SEC23A: variants seen among roughly 807,000 people sequenced by gnomAD.
SEC23A encodes the protein protein transport protein Sec23A.
Under a neutral mutation model 103.7 loss-of-function variants are expected in SEC23A, and 56 were observed. The ratio of observed to expected loss-of-function variants is 0.54; its 90% CI spans 0.44 to 0.67. The LOEUF (loss-of-function observed/expected upper bound fraction) is 0.67. Ranked by LOEUF, SEC23A falls within the 30% of genes least tolerant of loss-of-function variation. The pLI, the probability that SEC23A is intolerant of heterozygous loss-of-function variation, is 0.00. For missense variants in SEC23A, 784 were observed against 936.4 expected (o/e 0.84, Z 2.12); for synonymous variants, 281 against 293.0 (o/e 0.96, Z 0.42).
In SEC23A at chr14:39,073,758, T is replaced by C. The variant is rs1428144336; in HGVS notation, c.1103+657A>G. ...CCGAGTAGCTGGGATTACAGGTGCC[T>C]GCCACCACGCCCACCTAATTTTTGT... On this transcript the variant is annotated intron_variant, in intron 9 of 19. Transcript: ENST00000307712. Among the ~76,000 whole-genome samples, 4 of 151,510 alleles carry C rather than the reference T, an allele frequency of 2.6e-5. No individual in the cohort carries two copies. In the East Asian group the frequency reaches 7.8e-4, roughly 30 times the overall value.
chr14:39,067,044 G>A, intron 10 of SEC23A, 129 bp downstream of exon 10: 6 of 1,127,580 alleles, frequency 5.3e-6, no homozygotes, highest in South Asian at 2.6e-5. Context: ...TCTAACTCAG[G>A]TTTCAATATA....
At chr14:39,090,809 G>A (rs1277533670) in intron 5 of SEC23A, 4 of 181,976 alleles carry the variant, frequency 2.2e-5, no homozygotes, top group Non-Finnish European at 4.6e-5. Flanking sequence ...CATTCTGCAC[G>A]ACAATGAGGT....
intron 13 of SEC23A, among the ~76,000 whole-genome samples, chr14:39,059,896 T>C (rs1261503265): frequency 6.6e-6 from 1 of 152,208 alleles, no homozygotes; most frequent in East Asian, 1.9e-4. Context: ...CATTTGCATT[T>C]TGTCCATGAT....
chr14:39,068,716 T>C (rs934149016), intron 9 of SEC23A, among the ~76,000 whole-genome samples: 1 of 152,294 alleles, frequency 6.6e-6, no homozygotes, highest in South Asian at 2.1e-4. Flanking sequence ...TACAAATATT[T>C]AGATACACTT....
intron 11 of SEC23A, among the ~76,000 whole-genome samples, chr14:39,064,178 G>A (rs1425589408): frequency 3.3e-5 from 5 of 151,936 alleles, no homozygotes; most frequent in East Asian, 1.9e-4. Context: ...CCAAGAAAAC[G>A]TCATAGATAT....
chr14:39,086,017 G>A lies in SEC23A; in HGVS notation c.684-111C>T, dbSNP rs567275685. ...AAAACAACACTCTGAACACACAGCA[G>A]ACCAATGGTTCTCAAACTTTCGTGT... On this transcript the variant is annotated intron_variant, in intron 6 of 19. Transcript: ENST00000307712. The A allele has an allele frequency of 4.4e-5, 42 of 949,638 alleles. No homozygotes were observed. The African/African-American group carries it at 5.3e-4, about 12-fold the overall frequency. The allele number at this position is 949,638 out of a possible 1,614,324, so 58.8% of individuals were successfully genotyped here. A position where few individuals can be genotyped will look rare whatever the true frequency, so the allele number is the denominator to read the frequency against.
intron 8 of SEC23A, 51 bp from the exon 9 acceptor site, chr14:39,074,581 C>A (rs1886950152): frequency 4.3e-6 from 5 of 1,163,626 alleles, no homozygotes; most frequent in African/African-American, 3.1e-5. Context: ...TCCTATAAAT[C>A]TTTTTTCCAT....
intron 8 of SEC23A, among the ~76,000 whole-genome samples, chr14:39,075,541 T>C (rs1165094012): frequency 6.6e-6 from 1 of 152,060 alleles, no homozygotes. Flanking sequence ...AAGAAAATGA[T>C]GGACTATTTA....
chr14:39,081,535 T>C (rs939955224), intron 7 of SEC23A, among the ~76,000 whole-genome samples: 16 of 152,200 alleles, frequency 1.1e-4, no homozygotes, highest in African/African-American at 3.6e-4. Context: ...ATTAAACAAA[T>C]ACTGGGCTCT....
At chr14:39,090,540 C>T (rs1310832790) in intron 5 of SEC23A, among the ~76,000 whole-genome samples, 1 of 152,174 alleles carries the variant, frequency 6.6e-6, no homozygotes, top group Non-Finnish European at 1.5e-5. Flanking sequence ...ATAGTTCCTA[C>T]ACTAAAAATC....
intron 7 of SEC23A, among the ~76,000 whole-genome samples, chr14:39,085,493 C>G (rs1190228374): frequency 6.6e-6 from 1 of 152,072 alleles, no homozygotes; most frequent in Non-Finnish European, 1.5e-5. Context: ...AGCCCTCAAT[C>G]TGTGAGATGT....
At chr14:39,076,431 A>ATTTT (rs766282291) in intron 7 of SEC23A, among the ~76,000 whole-genome samples, 3 of 134,556 alleles carry the variant, frequency 2.2e-5, no homozygotes, top group East Asian at 2.1e-4. Context: ...TGGGTTTTTA[A>ATTTT]TTTTTTTTTT....
chr14:39,050,675 G>A (rs1055136134), intron 14 of SEC23A, among the ~76,000 whole-genome samples: 2 of 152,182 alleles, frequency 1.3e-5, no homozygotes, highest in African/African-American at 4.8e-5. Flanking sequence ...AAAGGAAGCC[G>A]GGAGCAGTGG....
chr14:39,038,805 G>C (rs1333481071), intron 19 of SEC23A, among the ~76,000 whole-genome samples: 1 of 152,254 alleles, frequency 6.6e-6, no homozygotes, highest in African/African-American at 2.4e-5. Context: ...ACACTTCATT[G>C]CTTTTTGTCT....
chr14:39,066,478 CT>C (rs56126062), intron 10 of SEC23A, among the ~76,000 whole-genome samples: 218 of 144,108 alleles, frequency 1.5e-3, no homozygotes, highest in African/African-American at 5.2e-3. Flanking sequence ...ACAGTTTCCT[CT>C]TTTTTTTTTT....
intron 7 of SEC23A, among the ~76,000 whole-genome samples, chr14:39,080,194 C>T (rs1263401925): frequency 1.3e-5 from 2 of 151,884 alleles, no homozygotes; most frequent in African/African-American, 4.8e-5. Context: ...TGCAATTCTC[C>T]AAAAAGATCA....
intron 1 of SEC23A, among the ~76,000 whole-genome samples, chr14:39,098,352 A>G (rs1477402254): frequency 1.3e-5 from 2 of 152,168 alleles, no homozygotes; most frequent in Non-Finnish European, 2.9e-5. Context: ...AAATTCTAAG[A>G]CTATGCAAAC....
chr14:39,067,722 G>A (rs1459653903), intron 9 of SEC23A, among the ~76,000 whole-genome samples: 1 of 140,484 alleles, frequency 7.1e-6, no homozygotes, highest in African/African-American at 2.7e-5. Flanking sequence ...CTAGGCTGGA[G>A]TGCAGTGGAA....
Position 39,032,455 on chromosome 14 carries a change from T to C in SEC23A, c.*784A>G, listed in dbSNP as rs1021492974. Reference sequence around the variant, plus strand: ...ACAAAACCATGCTGTGAAAACTAAATTTGGTTTAGTAGTTACAACCGTCAT... The same window carrying C: ...ACAAAACCATGCTGTGAAAACTAAACTTGGTTTAGTAGTTACAACCGTCAT... On this transcript the variant is annotated 3_prime_UTR_variant, in exon 20 of 20. Transcript: ENST00000307712. The C allele has an allele frequency of 6.6e-6, 1 of 152,610 alleles. No individual in the cohort carries two copies. The highest frequency in any genetic ancestry group is 2.4e-5 in the African/African-American group (1 of 41,458). 9.5% of individuals were successfully genotyped at this position (152,610 alleles called of 1,614,324 possible).
Sources: gnomAD v4.1 joint callset for allele counts (sites outside exome capture counted in the v4.1 genomes callset) on GRCh38, gnomAD v4.1.1 for gene constraint, MANE v1.5 for transcripts, NCBI Gene and HGNC (gene_info 2026-07-23, HGNC 2026-07-21) for gene names.